Variants in TSPEAR observed in about 807,000 individuals in gnomAD.
TSPEAR encodes thrombospondin type laminin G domain and EAR repeats.
TSPEAR carries 69 observed loss-of-function variants against 71.6 expected under a neutral mutation model. The ratio of observed to expected loss-of-function variants is 0.96; its 90% CI spans 0.79 to 1.18. The LOEUF is 1.18. Ranked by LOEUF, TSPEAR falls within the 50% of genes most tolerant of loss-of-function variation. The pLI is 0.00. For synonymous variants in TSPEAR, 402 were observed against 387.2 expected (o/e 1.04, Z -0.45); for missense variants, 971 against 894.9 (o/e 1.09, Z -1.09).
At chr21:44,553,561 A>G (rs1445249469) in intron 2 of TSPEAR, among the ~76,000 whole-genome samples, 1 of 152,212 alleles carries the variant, frequency 6.6e-6, no homozygotes, top group Non-Finnish European at 1.5e-5. Flanking sequence ...CAGAGTGTAT[A>G]TTTAGCTGAG....
chr21:44,702,476 C>T, intron 1 of TSPEAR: 2 of 1,609,122 alleles, frequency 1.2e-6, no homozygotes, highest in Non-Finnish European at 1.7e-6. Context: ...TGCTGTGTGC[C>T]CGTCTGCTGC....
At position 44,591,791 on chromosome 21, in the gene TSPEAR, C is replaced by T. The variant is rs151031055; in HGVS notation, c.83-23786G>A. 471 of 1,587,416 alleles carry T rather than the reference C, an allele frequency of 3.0e-4. 2 individuals are homozygous for T. The African/African-American group carries it at 4.3e-3, about 14-fold the overall frequency. ...ACACAGCACACAGGCACGCAGCAGA[C>T]GGGCACGCAGCAGGCCTGCTGGCAG... On this transcript the variant is annotated intron_variant, in intron 1 of 11. Coordinates refer to ENST00000323084, the MANE Select transcript of TSPEAR (RefSeq NM_144991.3).
intron 2 of TSPEAR, among the ~76,000 whole-genome samples, chr21:44,547,221 G>A (rs587772968): frequency 6.6e-6 from 1 of 152,226 alleles, no homozygotes; most frequent in African/African-American, 2.4e-5. Flanking sequence ...CAGATTTTCT[G>A]TTTGGTTTCT....
intron 1 of TSPEAR, among the ~76,000 whole-genome samples, chr21:44,688,648 G>C (rs1986970850): frequency 1.3e-5 from 2 of 152,122 alleles, no homozygotes; most frequent in Non-Finnish European, 2.9e-5. Flanking sequence ...GGTGGAGCTT[G>C]CAGTGAGCCG....
intron 1 of TSPEAR, among the ~76,000 whole-genome samples, chr21:44,649,202 G>C (rs1555940913): frequency 1.3e-5 from 2 of 152,202 alleles, no homozygotes; most frequent in African/African-American, 4.8e-5. Flanking sequence ...GTCAGGGTGT[G>C]ATCAGAGACC....
chr21:44,506,331 C>T lies in TSPEAR; in HGVS notation c.1755-1450G>A, dbSNP rs587722384. Among the ~76,000 whole-genome samples the T allele has an allele frequency of 9.2e-5, 14 of 152,370 alleles. No individual in the cohort carries two copies. In the East Asian group the frequency reaches 9.6e-4, roughly 10 times the overall value. On this transcript the variant is annotated intron_variant, in intron 10 of 11. Transcript: ENST00000323084. The surrounding 1 kb of genome is among the most constrained non-coding windows in gnomAD (Gnocchi z 4.2). ...CATCTCAAGATGAGGAAATGGAGGT[C>T]GAAGCCATGCACACGCAGGCGTCCT... is the stretch of plus-strand genomic sequence containing the variant.
At chr21:44,690,621 G>T (rs1987086356) in intron 1 of TSPEAR, 8 of 984,510 alleles carry the variant, frequency 8.1e-6, no homozygotes, top group Non-Finnish European at 9.6e-6. Flanking sequence ...AAATAAACAG[G>T]TTAAACAGAA....
At chr21:44,518,481 C>A (rs1001292269) in intron 9 of TSPEAR, 9 of 387,240 alleles carry the variant, frequency 2.3e-5, no homozygotes, top group Non-Finnish European at 3.8e-5. Flanking sequence ...CACTCCCCAA[C>A]CCACTGCAGG....
chr21:44,636,249 C>T (rs1353675410), intron 1 of TSPEAR, among the ~76,000 whole-genome samples: 2 of 152,236 alleles, frequency 1.3e-5, no homozygotes, highest in African/African-American at 2.4e-5. Context: ...TTCCAGGGGA[C>T]ATACGTTGTA....
intron 1 of TSPEAR, among the ~76,000 whole-genome samples, chr21:44,571,298 C>T (rs2053792324): frequency 6.6e-6 from 1 of 152,254 alleles, no homozygotes; most frequent in South Asian, 2.1e-4. Context: ...AATCCTCCTG[C>T]CTTGGCCTCC....
At chr21:44,686,499 A>G (rs2838637) in intron 1 of TSPEAR, 98,150 of 151,502 alleles carry the variant, frequency 0.65, 31,924 homozygotes, top group South Asian at 0.72. Context: ...TGTGTGAGGC[A>G]TCCACCTCCT....
chr21:44,560,361 T>A (rs1014858954), intron 2 of TSPEAR, among the ~76,000 whole-genome samples: 2 of 152,190 alleles, frequency 1.3e-5, no homozygotes, highest in African/African-American at 4.8e-5. Flanking sequence ...ACAAAGAGAC[T>A]TAGACTCCCA....
Position 44,676,355 on chromosome 21 carries a change from C to T in TSPEAR, c.82+35078G>A. On this transcript the variant is annotated intron_variant, in intron 1 of 11. Transcript: ENST00000323084. ...GAACAGTTGGCTTTGATGGCCTCAACTGCACTACCCAGTGGGACAGCAGGC... is the reference window on the plus strand; with the variant it reads ...GAACAGTTGGCTTTGATGGCCTCAATTGCACTACCCAGTGGGACAGCAGGC... The T allele has an allele frequency of 4.4e-6, 5 of 1,140,076 alleles. 1 individual carries two copies. The allele number at this position is 1,140,076 out of a possible 1,614,324, so 70.6% of individuals were successfully genotyped here. A position where few individuals can be genotyped will look rare whatever the true frequency, so the allele number is the denominator to read the frequency against.
At chr21:44,600,863 G>A (rs371328531) in intron 1 of TSPEAR, 122 of 1,610,204 alleles carry the variant, frequency 7.6e-5, no homozygotes, top group Non-Finnish European at 9.9e-5. Flanking sequence ...CAATCAGGCT[G>A]CACCAGCTCC....
chr21:44,514,286 C>T (rs587602798), intron 9 of TSPEAR, among the ~76,000 whole-genome samples: 18 of 152,340 alleles, frequency 1.2e-4, no homozygotes, highest in African/African-American at 3.4e-4. Flanking sequence ...GGCTGCCTGC[C>T]GGGCACCTGT....
chr21:44,594,393 C>T (rs945039078), intron 1 of TSPEAR, among the ~76,000 whole-genome samples: 2 of 152,116 alleles, frequency 1.3e-5, no homozygotes, highest in Non-Finnish European at 2.9e-5. Context: ...AGGAACTGGG[C>T]GAGGGACCTG....
rs1980179533 is a variant in TSPEAR, at chr21:44,593,928, TG to T, written c.83-25924del. Among the ~76,000 whole-genome samples, 1 of 152,198 alleles carries T rather than the reference TG, an allele frequency of 6.6e-6. No homozygotes were observed. The highest frequency in any genetic ancestry group is 1.5e-5 in the Non-Finnish European group (1 of 68,034). ...CCACAGCTCTGACTGGGCAGGAGAC[TG>T]ACTTCAGGAACCTCCTCCTGATAAG... On this transcript the variant is annotated intron_variant, in intron 1 of 11. Coordinates refer to ENST00000323084, the MANE Select transcript of TSPEAR (RefSeq NM_144991.3). This position sits in a 1 kb window ranked among gnomAD's most constrained non-coding sequence, Gnocchi z 5.9.
At chr21:44,591,633 C>T (rs1555926579) in intron 1 of TSPEAR, 1 of 1,613,726 alleles carries the variant, frequency 6.2e-7, no homozygotes, top group Non-Finnish European at 8.5e-7. Flanking sequence ...AGCTAGACTG[C>T]TGGCAGCATG....
rs371751140 is a variant in TSPEAR, at chr21:44,637,519, A to G, written c.83-69514T>C. ...GCTGCGAGCCCTGCTGCTGTGCCCC[A>G]GCCCCCAGCTTGACCCTGGTCTGCA... On this transcript the variant is annotated intron_variant, in intron 1 of 11. Transcript: ENST00000323084. 19 of 1,613,188 alleles carry G rather than the reference A, an allele frequency of 1.2e-5. No individual in the cohort carries two copies. In the African/African-American group the frequency reaches 1.7e-4, roughly 15 times the overall value.
Sources: gnomAD v4.1 joint callset for allele counts (sites outside exome capture counted in the v4.1 genomes callset) on GRCh38, gnomAD v4.1.1 for gene constraint, Gnocchi (gnomAD v3.1) non-coding constraint, MANE v1.5 for transcripts, NCBI Gene and HGNC (gene_info 2026-07-23, HGNC 2026-07-21) for gene names.